AGAP6: variants seen among roughly 807,000 people sequenced by gnomAD.
AGAP6 encodes the protein ArfGAP with GTPase domain, ankyrin repeat and PH domain 6.
In AGAP6, 29 loss-of-function variants were observed where a neutral mutation model predicts 63.9. The ratio of observed to expected loss-of-function variants is 0.45; its 90% CI spans 0.34 to 0.62. The LOEUF (loss-of-function observed/expected upper bound fraction) is 0.62, where lower values mean the gene tolerates loss of function less well. Among genes scored for constraint, AGAP6 ranks in the 20% least tolerant of loss-of-function variants. AGAP6 has a pLI of 0.01. For synonymous variants in AGAP6, 199 were observed against 332.9 expected (o/e 0.60, Z 4.38); for missense variants, 493 against 884.9 (o/e 0.56, Z 5.62).
At chr10:50,004,456 TCAC>T (rs1208279858) in intron 5 of AGAP6, among the ~76,000 whole-genome samples, 1 of 150,052 alleles carries the variant, frequency 6.7e-6, no homozygotes, top group Non-Finnish European at 1.5e-5. Context: ...TATATTGTAA[TCAC>T]CAACAGAAAC....
Position 50,008,091 on chromosome 10 carries a change from T to G in AGAP6, c.585+15T>G, listed in dbSNP as rs782397840. ...ACTCATTTGCGGTAAGTGGCACTTT[T>G]ATTGAGGTTGTATTTTCATCATACA... On this transcript the variant is annotated intron_variant, in intron 7 of 7. Transcript: ENST00000412531. 1 of 1,611,936 alleles carries G rather than the reference T, an allele frequency of 6.2e-7. No homozygotes were observed. The highest frequency in any genetic ancestry group is 8.5e-7 in the Non-Finnish European group (1 of 1,179,838).
At chr10:49,989,959 A>G (rs1191756941) in intron 2 of AGAP6, among the ~76,000 whole-genome samples, 4 of 152,226 alleles carry the variant, frequency 2.6e-5, no homozygotes, top group African/African-American at 9.6e-5. Flanking sequence ...TTGTTCTAAA[A>G]GAGAGGTGGG....
At chr10:49,991,635 A>G (rs569930161) in intron 2 of AGAP6, 41 bp from the exon 3 acceptor site, 159 of 1,594,242 alleles carry the variant, frequency 1.0e-4, no homozygotes, top group Admixed American at 5.4e-4. Context: ...ATTTTTATCA[A>G]TGATTACATC....
In AGAP6 at chr10:50,008,692, C is replaced by T. The variant is rs1554864420; in HGVS notation, c.586-19C>T. ...CACTACCCAATTTTTGAAGCCATTC[C>T]TCCTCCTGTTCCACACAGGTTTCCA... On this transcript the variant is annotated intron_variant, in intron 7 of 7. Transcript: ENST00000412531. 1 of 1,614,114 alleles carries T rather than the reference C, an allele frequency of 6.2e-7. No individual in the cohort carries two copies. Among genetic ancestry groups the T allele is most frequent in the Non-Finnish European group, 8.5e-7 (1 of 1,180,024 alleles).
intron 2 of AGAP6, 55 bp downstream of exon 2, chr10:49,989,431 C>G: frequency 6.3e-7 from 1 of 1,595,670 alleles, no homozygotes; most frequent in Admixed American, 1.7e-5. Context: ...TTTGTTTAGG[C>G]TTCTTTGAGC....
At position 50,009,261 on chromosome 10, in the gene AGAP6, C is replaced by T. The variant is rs1554864881; in HGVS notation, c.1136C>T (p.Pro379Leu). ...TGLGDSICFSPSISSTTSPKL... is the reference protein window; with the variant it reads ...TGLGDSICFSLSISSTTSPKL... The stretch of plus-strand genomic sequence containing the variant: ...CTGGGTGACTCCATATGCTTCAGCC[C>T]CAGTATCTCCAGCACCACCAGCCCC... Residue 379 changes from proline to leucine, a missense_variant, in exon 8 of 8, where the codon CCC becomes CTC. Pro to Leu is a moderately conservative substitution (Grantham distance 98). This residue lies in a region of AGAP6 where 342 missense variants were observed against 533.4 expected (regional missense o/e 0.64). Transcript: ENST00000412531. 5 of 1,614,172 alleles carry T rather than the reference C, an allele frequency of 3.1e-6. No homozygotes were observed. The South Asian group carries it at 5.5e-5, about 18-fold the overall frequency.
rs200482356 is a variant in AGAP6 at position 50,009,648 on chromosome 10, G to T, written c.1523G>T (p.Ser508Ile). 1.2e-6 allele frequency: 2 copies of T among 1,614,120 alleles called. No individual in the cohort carries two copies. The highest frequency in any genetic ancestry group is 2.2e-5 in the South Asian group (2 of 91,092). Residue 508 changes from serine (S) to isoleucine (I), a missense_variant, in exon 8 of 8, where the codon AGT becomes ATT. Physicochemically the swap from Ser to Ile is moderately radical, Grantham distance 142. Coordinates refer to ENST00000412531, the MANE Select transcript of AGAP6 (RefSeq NM_001077665.3). ...MCIECSGIHR[S>I]LGPHLSRVRS... ...ATTGAATGCTCAGGTATCCACCGCAGTCTTGGCCCCCACCTTTCCCGTGTG... is the reference window on the plus strand; with the variant it reads ...ATTGAATGCTCAGGTATCCACCGCATTCTTGGCCCCCACCTTTCCCGTGTG...
intron 5 of AGAP6, among the ~76,000 whole-genome samples, chr10:50,003,016 A>AT (rs1218253837): frequency 1.3e-5 from 2 of 152,108 alleles, no homozygotes; most frequent in Non-Finnish European, 2.9e-5. Flanking sequence ...CTTTGAGCAC[A>AT]CATACACAAA....
intron 4 of AGAP6, among the ~76,000 whole-genome samples, chr10:49,994,715 C>G (rs1368783037): frequency 2.6e-5 from 4 of 152,050 alleles, no homozygotes; most frequent in African/African-American, 4.8e-5. Flanking sequence ...GTAATCACAA[C>G]ACTTTAGGAG....
intron 3 of AGAP6, 45 bp from the exon 4 acceptor site, chr10:49,994,350 T>A (rs1841399841): frequency 6.7e-7 from 1 of 1,498,958 alleles, no homozygotes; most frequent in Admixed American, 1.9e-5. Context: ...TTTTATTTTA[T>A]GGTATTTGTA....
At chr10:50,006,565 CAG>C (rs1841919024) in intron 6 of AGAP6, among the ~76,000 whole-genome samples, 1 of 152,176 alleles carries the variant, frequency 6.6e-6, no homozygotes, top group Non-Finnish European at 1.5e-5. Flanking sequence ...TTGACAGTGA[CAG>C]GGTTTCGTTA....
chr10:50,003,520 G>T (rs1383297754), intron 5 of AGAP6, among the ~76,000 whole-genome samples: 1 of 152,060 alleles, frequency 6.6e-6, no homozygotes, highest in African/African-American at 2.4e-5. Flanking sequence ...CATCCCAGAA[G>T]ATTCTGATTT....
chr10:50,007,895 A>C, intron 6 of AGAP6, 130 bp from the exon 7 acceptor site: 1 of 1,551,224 alleles, frequency 6.4e-7, no homozygotes, highest in Non-Finnish European at 8.8e-7. Flanking sequence ...GTCAGGATCC[A>C]ATAGAAGAAT....
intron 2 of AGAP6, among the ~76,000 whole-genome samples, chr10:49,989,980 T>C (rs1209378787): frequency 2.0e-5 from 3 of 152,368 alleles, no homozygotes; most frequent in African/African-American, 4.8e-5. Flanking sequence ...GATTGGTTCA[T>C]GGTCAAAACT....
chr10:49,993,451 T>A (rs1554861441), intron 3 of AGAP6, among the ~76,000 whole-genome samples: 1 of 146,836 alleles, frequency 6.8e-6, no homozygotes, highest in African/African-American at 2.4e-5. Flanking sequence ...TCTGGCCTCT[T>A]TTTAGAGGAA....
chr10:49,990,101 G>A (rs1554860526), intron 2 of AGAP6, among the ~76,000 whole-genome samples: 1 of 152,160 alleles, frequency 6.6e-6, no homozygotes, highest in Non-Finnish European at 1.5e-5. Context: ...CTCCCCGTTT[G>A]TCCCTTCCCC....
At chr10:50,004,775 C>G (rs572851062) in intron 6 of AGAP6, 55 bp downstream of exon 6, 1 of 637,234 alleles carries the variant, frequency 1.6e-6, no homozygotes, top group East Asian at 2.7e-5. Context: ...TGCAAGATAT[C>G]AAGCTCAGTG....
chr10:49,995,351 T>C (rs1468869257), intron 4 of AGAP6, among the ~76,000 whole-genome samples: 6 of 152,232 alleles, frequency 3.9e-5, no homozygotes, highest in African/African-American at 1.2e-4. Flanking sequence ...ATCCAAATAT[T>C]GTTAAGTAGC....
At chr10:50,006,689 A>G (rs1193659434) in intron 6 of AGAP6, among the ~76,000 whole-genome samples, 1 of 151,768 alleles carries the variant, frequency 6.6e-6, no homozygotes, top group Non-Finnish European at 1.5e-5. Flanking sequence ...GCCCAGTTGT[A>G]CTTTTAAATA....
Sources: allele counts gnomAD v4.1 joint callset (sites outside exome capture counted in the v4.1 genomes callset), GRCh38; gene constraint gnomAD v4.1.1; regional missense constraint gnomAD v4.1.1; transcripts MANE v1.5; gene names NCBI Gene and HGNC (gene_info 2026-07-23, HGNC 2026-07-21).